TAF1D: variants seen among roughly 807,000 people sequenced by gnomAD.
TAF1D encodes TATA box-binding protein-associated factor RNA polymerase I subunit D.
A neutral mutation model predicts 26.2 loss-of-function variants in TAF1D; 23 were observed. The observed-to-expected ratio is 0.88, with a 90% CI of 0.63 to 1.25. The LOEUF (loss-of-function observed/expected upper bound fraction) is 1.25, where lower values mean the gene tolerates loss of function less well. Among genes scored for constraint, TAF1D ranks in the 50% most tolerant of loss-of-function variants. The probability of loss-of-function intolerance (pLI) is 0.00; values close to 1 mark genes in which losing one functional copy is unlikely to be tolerated. For missense variants in TAF1D, 299 were observed against 322.0 expected, an observed-to-expected ratio of 0.93 and a Z score of 0.55; for synonymous variants, 100 against 105.6, an observed-to-expected ratio of 0.95 and a Z score of 0.33.
In TAF1D at chr11:93,736,203, A is replaced by G; in HGVS notation, c.795T>C (p.Ala265=). 6.2e-7 allele frequency: 1 copy of G among 1,612,944 alleles called. No homozygotes were observed. The highest frequency in any genetic ancestry group is 8.5e-7 in the Non-Finnish European group (1 of 1,179,548). Residue 265 remains alanine (A), a synonymous_variant, in exon 6 of 6, where the codon GCT becomes GCC. Transcript: ENST00000448108. ...TCTGTCCAGTATTTTTGGCTTTTGT[A>G]GCTCTCTTTTTAGACAAAGCAGCTT... is the stretch of plus-strand genomic sequence containing the variant. ...TEEAALSKKR[A]TKAKNTGQRG... is the part of the protein sequence containing the mutation.
intron 5 of TAF1D, 65 bp from the exon 6 acceptor site, chr11:93,736,369 A>G (rs1940743472): frequency 1.3e-6 from 2 of 1,504,750 alleles, no homozygotes; most frequent in Non-Finnish European, 1.8e-6. Flanking sequence ...AATTACATAT[A>G]GCTGAATGCC....
chr11:93,737,505 G>T (rs539426532), intron 3 of TAF1D, among the ~76,000 whole-genome samples: 2 of 152,188 alleles, frequency 1.3e-5, no homozygotes, highest in South Asian at 4.1e-4. Flanking sequence ...GTAAAAACAG[G>T]AATAAGATTT....
chr11:93,734,090 T>C (rs1310581480), downstream of TAF1D: 1 of 153,038 alleles, frequency 6.5e-6, no homozygotes, highest in Non-Finnish European at 1.5e-5. Flanking sequence ...TGAACTTCAG[T>C]ATTGCAACAG....
chr11:93,740,517 C>T (rs949709042), intron 1 of TAF1D, among the ~76,000 whole-genome samples: 1 of 149,362 alleles, frequency 6.7e-6, no homozygotes, highest in Non-Finnish European at 1.5e-5. Context: ...ATTGTACATG[C>T]CTTAGTCAAT....
At chr11:93,735,083 C>A (rs775408238), downstream of TAF1D, 7 of 1,315,962 alleles carry the variant, frequency 5.3e-6, no homozygotes, top group Non-Finnish European at 7.0e-6. Context: ...TATCAATACT[C>A]CCATCAATCA....
downstream of TAF1D, chr11:93,730,852 A>G (rs1938519573): frequency 2.4e-6 from 1 of 417,330 alleles, no homozygotes; most frequent in African/African-American, 2.1e-5. Context: ...CAAGGGTTAC[A>G]ATATAAAGGC....
At chr11:93,738,626 T>C in intron 2 of TAF1D, 127 bp from the exon 3 acceptor site, 1 of 965,520 alleles carries the variant, frequency 1.0e-6, no homozygotes, top group East Asian at 2.8e-5. Flanking sequence ...TAAAAATTTT[T>C]TAAAGGATGG....
chr11:93,737,287 C>T (rs775116461), intron 3 of TAF1D, 48 bp from the exon 4 acceptor site: 1 of 1,399,022 alleles, frequency 7.1e-7, no homozygotes, highest in African/African-American at 1.5e-5. Context: ...ATTTTTAAGA[C>T]CCAGCAGGTG....
At chr11:93,731,120 CTTATAG>C (rs781221878), downstream of TAF1D, 26 of 498,022 alleles carry the variant, frequency 5.2e-5, no homozygotes, top group Middle Eastern at 3.3e-4. Flanking sequence ...GAGCAAATAA[CTTATAG>C]TTAAGATAAA....
Position 93,738,102 on chromosome 11 carries a change from G to T in TAF1D, c.459+7C>A. On this transcript the variant is annotated splice_region_variant and intron_variant, in intron 3 of 5. Coordinates refer to ENST00000448108, the MANE Select transcript of TAF1D (RefSeq NM_024116.4). Reference sequence around the variant, plus strand: ...TGTGTAGCCATGTATGTAAAATGCTGACTCACCTCAAACGTTAAAATTTTT... The same window carrying T: ...TGTGTAGCCATGTATGTAAAATGCTTACTCACCTCAAACGTTAAAATTTTT... The T allele has an allele frequency of 1.3e-6, 2 of 1,542,298 alleles. No individual in the cohort carries two copies. The highest frequency in any genetic ancestry group is 2.6e-5 in the South Asian group (2 of 77,136).
Position 93,738,406 on chromosome 11 carries a change from A to C in TAF1D, c.162T>G (p.Arg54=). 1 of 1,613,642 alleles carries C rather than the reference A, an allele frequency of 6.2e-7. No individual in the cohort carries two copies. The highest frequency in any genetic ancestry group is 8.5e-7 in the Non-Finnish European group (1 of 1,179,912). ...EKRNPIRKFV[R]TPESVHASDS... ...CACTTGCGTGAACACTTTCAGGTGT[A>C]CGAACAAATTTTCGAATGGGGTTTC... is the stretch of plus-strand genomic sequence containing the variant. The change falls in exon 3 of 6, where the codon CGT becomes CGG. Residue 54 remains arginine, a synonymous_variant. Coordinates refer to ENST00000448108, the MANE Select transcript of TAF1D (RefSeq NM_024116.4).
Position 93,735,793 on chromosome 11 carries a change from C to CA in TAF1D, c.*367_*368insT, listed in dbSNP as rs1940646086. On this transcript the variant is annotated 3_prime_UTR_variant, in exon 6 of 6. Transcript: ENST00000448108. The stretch of plus-strand genomic sequence containing the variant: ...GGGATAAAATTACAGCATTTCAAAT[C>CA]CCCTCTTCAAGATGGTTGGGTGTCA... 9.5e-7 allele frequency: 1 copy of CA among 1,053,076 alleles called. No homozygotes were observed. The highest frequency in any genetic ancestry group is 5.1e-5 in the Admixed American group (1 of 19,748). The allele number at this position is 1,053,076 out of a possible 1,614,324, so 65.2% of individuals were successfully genotyped here.
At chr11:93,734,297 A>G (rs1018491498), downstream of TAF1D, 2 of 213,722 alleles carry the variant, frequency 9.4e-6, no homozygotes, top group Non-Finnish European at 1.9e-5. Context: ...TTATTATACT[A>G]TATTTTGCAT....
downstream of TAF1D, chr11:93,733,249 G>A (rs948696843): frequency 3.9e-6 from 2 of 518,974 alleles, no homozygotes; most frequent in Non-Finnish European, 7.7e-6. Context: ...TTAAGTTTTA[G>A]TTCATGCCCG....
chr11:93,732,288 C>T, downstream of TAF1D: 1 of 494,460 alleles, frequency 2.0e-6, no homozygotes, highest in Non-Finnish European at 4.0e-6. Context: ...CTCAATTTGA[C>T]ACCCTGGAAA....
Position 93,739,961 on chromosome 11 carries a change from CA to C in TAF1D, c.-27-631del, listed in dbSNP as rs67574108. ...CCATGGTAGAGAGTATACAACATAC[CA>C]AAAAAAAAAAAAAAAAAAAAGAAAA... is the stretch of plus-strand genomic sequence containing the variant. On this transcript the variant is annotated intron_variant, in intron 1 of 5. Transcript: ENST00000448108. Among the ~76,000 whole-genome samples the C allele has an allele frequency of 5.0e-3, 416 of 82,412 alleles. 10 individuals carry two copies. The East Asian group carries it at 0.08, about 16-fold the overall frequency. 54.1% of individuals were successfully genotyped at this position (82,412 alleles called of 152,430 possible). A position where few individuals can be genotyped will look rare whatever the true frequency, so the allele number is the denominator to read the frequency against.
At position 93,736,729 on chromosome 11, in the gene TAF1D, G is replaced by A. The variant is rs747510983; in HGVS notation, c.658C>T (p.His220Tyr). The A allele has an allele frequency of 2.7e-5, 43 of 1,610,996 alleles. No homozygotes were observed. In the South Asian group the frequency reaches 4.1e-4, roughly 15 times the overall value. The change falls in exon 5 of 6, where the codon CAT becomes TAT. Residue 220 changes from histidine (H) to tyrosine (Y), a missense_variant. By Grantham distance (83) the His-to-Tyr change is moderately conservative. Coordinates refer to ENST00000448108, the MANE Select transcript of TAF1D (RefSeq NM_024116.4). ...ATATCACATTCGTTATCTTCAAGAT[G>A]TGTTGCATCCTCATCCTCTGCTCTG... The part of the protein sequence containing the change: ...ESTAEDEDAT[H>Y]LEDNECDIKL...
chr11:93,737,572 T>C (rs1348786989), intron 3 of TAF1D, among the ~76,000 whole-genome samples: 1 of 152,198 alleles, frequency 6.6e-6, no homozygotes, highest in Non-Finnish European at 1.5e-5. Flanking sequence ...GATTAACATG[T>C]ATTAATCCTC....
downstream of TAF1D, chr11:93,731,866 C>G: frequency 2.7e-6 from 1 of 368,482 alleles, no homozygotes; most frequent in Non-Finnish European, 5.3e-6. Context: ...GTAATGTATA[C>G]CACATTACAA....
Sources: gnomAD v4.1 joint callset for allele counts (sites outside exome capture counted in the v4.1 genomes callset) on GRCh38, gnomAD v4.1.1 for gene constraint, MANE v1.5 for transcripts, NCBI Gene and HGNC (gene_info 2026-07-23, HGNC 2026-07-21) for gene names.